Variants in CLDN9 observed in about 807,000 individuals in gnomAD.
The protein encoded by CLDN9 is claudin-9.
A neutral mutation model predicts 10.1 loss-of-function variants in CLDN9; 14 were observed. The ratio of observed to expected loss-of-function variants is 1.38; its 90% CI spans 0.91 to 2.16. The LOEUF is 2.16. Among genes scored for constraint, CLDN9 ranks in the 30% most tolerant of loss-of-function variants. The pLI is 0.00. For synonymous variants in CLDN9, 162 were observed against 143.1 expected (o/e 1.13, Z -0.95); for missense variants, 332 against 294.8 (o/e 1.13, Z -0.93).
In CLDN9 at chr16:3,013,520, C is replaced by T. The variant is rs201252752; in HGVS notation, c.158C>T (p.Ser53Phe). 1.2e-5 allele frequency: 19 copies of T among 1,613,870 alleles called. No individual in the cohort carries two copies. Among genetic ancestry groups the T allele is most frequent in the Non-Finnish European group, 1.6e-5 (19 of 1,180,012 alleles). ...AQVVWEGLWM[S>F]CVVQSTGQMQ... ...GTGGTGTGGGAGGGCCTGTGGATGTCCTGCGTGGTGCAGAGCACGGGCCAG... is the reference window on the plus strand; with the variant it reads ...GTGGTGTGGGAGGGCCTGTGGATGTTCTGCGTGGTGCAGAGCACGGGCCAG... The change falls in exon 1 of 1, where the codon TCC becomes TTC. Residue 53 changes from serine to phenylalanine, a missense_variant. By Grantham distance (155) the Ser-to-Phe change is radical (BLOSUM62 -2). Coordinates refer to ENST00000445369, the MANE Select transcript of CLDN9 (RefSeq NM_020982.4). This position sits in a 1 kb window ranked among gnomAD's most constrained non-coding sequence, Gnocchi z 6.4.
rs945312028 is a variant in CLDN9, at chr16:3,014,133, CA to C, written c.*121del. The stretch of plus-strand genomic sequence containing the variant: ...TCCTTCCCCAGGAAAACCCACTTTC[CA>C]AAAGCCCAAGCTACACCTGGCTGCA... On this transcript the variant is annotated 3_prime_UTR_variant, in exon 1 of 1. Coordinates refer to ENST00000445369, the MANE Select transcript of CLDN9 (RefSeq NM_020982.4). 1 of 1,190,676 alleles carries C rather than the reference CA, an allele frequency of 8.4e-7. No homozygotes were observed. The highest frequency in any genetic ancestry group is 1.5e-5 in the African/African-American group (1 of 65,496). The allele number at this position is 1,190,676 out of a possible 1,614,324, so 73.8% of individuals were successfully genotyped here. A position where few individuals can be genotyped will look rare whatever the true frequency, so the allele number is the denominator to read the frequency against.
Position 3,013,563 on chromosome 16 carries a change from C to G in CLDN9, c.201C>G (p.Tyr67Ter). 6.2e-6 allele frequency: 10 copies of G among 1,613,988 alleles called. No individual in the cohort carries two copies. Among genetic ancestry groups the G allele is most frequent in the Non-Finnish European group, 8.5e-6 (10 of 1,179,998 alleles). The change falls in exon 1 of 1, where the codon TAC (tyrosine) becomes TAG (stop). Residue 67 changes from tyrosine (Y) to a stop codon, truncating the protein, a stop_gained. Coordinates refer to ENST00000445369, the MANE Select transcript of CLDN9 (RefSeq NM_020982.4). LOFTEE classifies it high-confidence loss of function. This position sits in a 1 kb window ranked among gnomAD's most constrained non-coding sequence, Gnocchi z 6.4. ...CGGGCCAGATGCAGTGCAAGGTGTA[C>G]GACTCACTGCTGGCTCTGCCGCAGG... ...QSTGQMQCKV[Y>*]DSLLALPQDL...
In CLDN9 at chr16:3,013,998, C is replaced by G; in HGVS notation, c.636C>G (p.Asp212Glu). The G allele has an allele frequency of 6.6e-7, 1 of 1,520,726 alleles. No homozygotes were observed. The highest frequency in any genetic ancestry group is 8.8e-7 in the Non-Finnish European group (1 of 1,137,114). 94.2% of individuals were successfully genotyped at this position (1,520,726 alleles called of 1,614,324 possible). Residue 212 changes from aspartate to glutamate, a missense_variant, in exon 1 of 1, where the codon GAC (aspartate) becomes GAG (glutamate). Physicochemically the swap from Asp to Glu is conservative, Grantham distance 45 (BLOSUM62 2). Transcript: ENST00000445369. The surrounding 1 kb of genome is among the most constrained non-coding windows in gnomAD (Gnocchi z 6.4). ...IPSRSGASGL[D>E]KRDYV is the part of the protein sequence containing the mutation. Reference sequence around the variant, plus strand: ...CCCGCTCGGGTGCATCTGGACTGGACAAGAGGGACTACGTGTGAGGCGGAG... The same window carrying G: ...CCCGCTCGGGTGCATCTGGACTGGAGAAGAGGGACTACGTGTGAGGCGGAG...
rs1567404598 is a variant in CLDN9 at position 3,013,839 on chromosome 16, G to A, written c.477G>A (p.Glu159=). The A allele has an allele frequency of 6.2e-7, 1 of 1,612,574 alleles. No homozygotes were observed. The highest frequency in any genetic ancestry group is 2.2e-5 in the East Asian group (1 of 44,854). Residue 159 remains glutamate (E), a synonymous_variant, in exon 1 of 1, where the codon GAG becomes GAA. Coordinates refer to ENST00000445369, the MANE Select transcript of CLDN9 (RefSeq NM_020982.4). The surrounding 1 kb of genome is among the most constrained non-coding windows in gnomAD (Gnocchi z 6.4). The stretch of plus-strand genomic sequence containing the variant: ...TGGTGGCTGAGGCCCTCAAGCGGGA[G>A]CTGGGGGCCTCCCTCTACCTGGGCT... The part of the protein sequence containing the change: ...NPLVAEALKR[E]LGASLYLGWA...
At position 3,013,572 on chromosome 16, in the gene CLDN9, G is replaced by A. The variant is rs765239666; in HGVS notation, c.210G>A (p.Leu70=). The A allele has an allele frequency of 1.2e-5, 20 of 1,613,884 alleles. No homozygotes were observed. The highest frequency in any genetic ancestry group is 2.5e-6 in the Non-Finnish European group (3 of 1,180,000). The change falls in exon 1 of 1, where the codon CTG becomes CTA. Residue 70 remains leucine (L), a synonymous_variant. Coordinates refer to ENST00000445369, the MANE Select transcript of CLDN9 (RefSeq NM_020982.4). The surrounding 1 kb of genome is among the most constrained non-coding windows in gnomAD (Gnocchi z 6.4). ...GQMQCKVYDS[L]LALPQDLQAA... ...TGCAGTGCAAGGTGTACGACTCACT[G>A]CTGGCTCTGCCGCAGGACCTGCAGG...
Position 3,014,039 on chromosome 16 carries a change from C to T in CLDN9, c.*23C>T. The T allele has an allele frequency of 6.0e-6, 9 of 1,509,598 alleles. No homozygotes were observed. Among genetic ancestry groups the T allele is most frequent in the Non-Finnish European group, 8.0e-6 (9 of 1,129,312 alleles). 93.5% of individuals were successfully genotyped at this position (1,509,598 alleles called of 1,614,324 possible). A position where few individuals can be genotyped will look rare whatever the true frequency, so the allele number is the denominator to read the frequency against. On this transcript the variant is annotated 3_prime_UTR_variant, in exon 1 of 1. Coordinates refer to ENST00000445369, the MANE Select transcript of CLDN9 (RefSeq NM_020982.4). ...TGAGGCGGAGGTTTCCCCTGGGAGCCCACTGCTCCCCACTGCCCCGCCCTT... is the reference window on the plus strand; with the variant it reads ...TGAGGCGGAGGTTTCCCCTGGGAGCTCACTGCTCCCCACTGCCCCGCCCTT...
rs544084273 is a variant in CLDN9, at chr16:3,013,588, G to C, written c.226G>C (p.Asp76His). The change falls in exon 1 of 1, where the codon GAC becomes CAC. Residue 76 changes from aspartate to histidine, a missense_variant. Transcript: ENST00000445369. This position sits in a 1 kb window ranked among gnomAD's most constrained non-coding sequence, Gnocchi z 6.4. ...CGACTCACTGCTGGCTCTGCCGCAGGACCTGCAGGCCGCACGTGCCCTCTG... is the reference window on the plus strand; with the variant it reads ...CGACTCACTGCTGGCTCTGCCGCAGCACCTGCAGGCCGCACGTGCCCTCTG... Reference protein sequence around the residue: ...VYDSLLALPQDLQAARALCVI... With the variant: ...VYDSLLALPQHLQAARALCVI... 1.2e-6 allele frequency: 2 copies of C among 1,613,978 alleles called. No homozygotes were observed. Among genetic ancestry groups the C allele is most frequent in the African/African-American group, 2.7e-5 (2 of 75,042 alleles).
Position 3,013,716 on chromosome 16 carries a change from G to C in CLDN9, c.354G>C (p.Val118=). 3.1e-6 allele frequency: 5 copies of C among 1,613,676 alleles called. No homozygotes were observed. The highest frequency in any genetic ancestry group is 4.2e-6 in the Non-Finnish European group (5 of 1,179,978). The change falls in exon 1 of 1, where the codon GTG becomes GTC. Residue 118 remains valine (V), a synonymous_variant. Coordinates refer to ENST00000445369, the MANE Select transcript of CLDN9 (RefSeq NM_020982.4). This position sits in a 1 kb window ranked among gnomAD's most constrained non-coding sequence, Gnocchi z 6.4. ...ACGAAGGTGCCAAGGCCCGTATCGTGCTCACCGCGGGGGTCATCCTCCTCC... is the reference window on the plus strand; with the variant it reads ...ACGAAGGTGCCAAGGCCCGTATCGTCCTCACCGCGGGGGTCATCCTCCTCC... ...VEDEGAKARI[V]LTAGVILLLA...
At position 3,013,896 on chromosome 16, in the gene CLDN9, G is replaced by T; in HGVS notation, c.534G>T (p.Gly178=). 1 of 1,608,402 alleles carries T rather than the reference G, an allele frequency of 6.2e-7. No homozygotes were observed. Among genetic ancestry groups the T allele is most frequent in the Non-Finnish European group, 8.5e-7 (1 of 1,178,006 alleles). ...WAAAALLMLG[G]GLLCCTCPPP... is the part of the protein sequence containing the mutation. ...CGGCTGCACTGCTTATGCTGGGCGG[G>T]GGGCTCCTCTGCTGCACGTGCCCCC... is the stretch of plus-strand genomic sequence containing the variant. The change falls in exon 1 of 1, where the codon GGG becomes GGT. Residue 178 remains glycine (G), a synonymous_variant. Transcript: ENST00000445369. This position sits in a 1 kb window ranked among gnomAD's most constrained non-coding sequence, Gnocchi z 6.4.
At position 3,013,726 on chromosome 16, in the gene CLDN9, G is replaced by A; in HGVS notation, c.364G>A (p.Gly122Arg). 1 of 1,613,634 alleles carries A rather than the reference G, an allele frequency of 6.2e-7. No individual in the cohort carries two copies. ...CAAGGCCCGTATCGTGCTCACCGCG[G>A]GGGTCATCCTCCTCCTCGCCGGCAT... ...GAKARIVLTA[G>R]VILLLAGILV... Residue 122 changes from glycine to arginine, a missense_variant, in exon 1 of 1, where the codon GGG becomes AGG. Physicochemically the swap from Gly to Arg is moderately radical, Grantham distance 125. Coordinates refer to ENST00000445369, the MANE Select transcript of CLDN9 (RefSeq NM_020982.4). This position sits in a 1 kb window ranked among gnomAD's most constrained non-coding sequence, Gnocchi z 6.4.
chr16:3,013,214 T>G lies in CLDN9; in HGVS notation c.-149T>G, dbSNP rs1176813685. On this transcript the variant is annotated 5_prime_UTR_variant, in exon 1 of 1. Transcript: ENST00000445369. This position sits in a 1 kb window ranked among gnomAD's most constrained non-coding sequence, Gnocchi z 6.4. ...GAGGAGGCGCCTTTCAAGAGGCGCCTTTCATGGAACTGAGGACTGGCCTGG... is the reference window on the plus strand; with the variant it reads ...GAGGAGGCGCCTTTCAAGAGGCGCCGTTCATGGAACTGAGGACTGGCCTGG... 2.2e-6 allele frequency: 2 copies of G among 895,798 alleles called. No individual in the cohort carries two copies. The highest frequency in any genetic ancestry group is 1.7e-5 in the African/African-American group (1 of 59,330). The allele number at this position is 895,798 out of a possible 1,614,324, so 55.5% of individuals were successfully genotyped here.
Position 3,013,893 on chromosome 16 carries a change from C to G in CLDN9, c.531C>G (p.Gly177=). The change falls in exon 1 of 1, where the codon GGC becomes GGG. Residue 177 remains glycine, a synonymous_variant. Transcript: ENST00000445369. This position sits in a 1 kb window ranked among gnomAD's most constrained non-coding sequence, Gnocchi z 6.4. ...GWAAAALLML[G]GGLLCCTCPP... is the part of the protein sequence containing the mutation. ...CGGCGGCTGCACTGCTTATGCTGGG[C>G]GGGGGGCTCCTCTGCTGCACGTGCC... 1 of 1,608,406 alleles carries G rather than the reference C, an allele frequency of 6.2e-7. No homozygotes were observed. Among genetic ancestry groups the G allele is most frequent in the South Asian group, 1.1e-5 (1 of 90,856 alleles).
At position 3,013,944 on chromosome 16, in the gene CLDN9, C is replaced by T. The variant is rs377693985; in HGVS notation, c.582C>T (p.Arg194=). Residue 194 remains arginine (R), a synonymous_variant, in exon 1 of 1, where the codon CGC becomes CGT. Coordinates refer to ENST00000445369, the MANE Select transcript of CLDN9 (RefSeq NM_020982.4). This position sits in a 1 kb window ranked among gnomAD's most constrained non-coding sequence, Gnocchi z 6.4. ...CCCCGCCCCAGGTCGAGCGGCCCCG[C>T]GGACCTCGGCTGGGCTACTCCATCC... is the stretch of plus-strand genomic sequence containing the variant. ...TCPPPQVERP[R]GPRLGYSIPS... The T allele has an allele frequency of 6.5e-5, 102 of 1,570,164 alleles. No individual in the cohort carries two copies. In the African/African-American group the frequency reaches 8.9e-4, roughly 14 times the overall value.
In CLDN9 at chr16:3,013,231, C is replaced by T. The variant is rs1432715551; in HGVS notation, c.-132C>T. 1.9e-6 allele frequency: 2 copies of T among 1,043,304 alleles called. No individual in the cohort carries two copies. The highest frequency in any genetic ancestry group is 2.8e-5 in the Admixed American group (1 of 35,262). The allele number at this position is 1,043,304 out of a possible 1,614,324, so 64.6% of individuals were successfully genotyped here. On this transcript the variant is annotated 5_prime_UTR_variant, in exon 1 of 1. Coordinates refer to ENST00000445369, the MANE Select transcript of CLDN9 (RefSeq NM_020982.4). The surrounding 1 kb of genome is among the most constrained non-coding windows in gnomAD (Gnocchi z 6.4). ...GAGGCGCCTTTCATGGAACTGAGGA[C>T]TGGCCTGGCTTGGGGACACCAACAA...
Position 3,013,577 on chromosome 16 carries a change from C to G in CLDN9, c.215C>G (p.Ala72Gly). 1 of 1,613,994 alleles carries G rather than the reference C, an allele frequency of 6.2e-7. No individual in the cohort carries two copies. The highest frequency in any genetic ancestry group is 8.5e-7 in the Non-Finnish European group (1 of 1,180,004). Reference sequence around the variant, plus strand: ...TGCAAGGTGTACGACTCACTGCTGGCTCTGCCGCAGGACCTGCAGGCCGCA... The same window carrying G: ...TGCAAGGTGTACGACTCACTGCTGGGTCTGCCGCAGGACCTGCAGGCCGCA... ...MQCKVYDSLL[A>G]LPQDLQAARA... is the part of the protein sequence containing the mutation. Residue 72 changes from alanine to glycine, a missense_variant, in exon 1 of 1, where the codon GCT becomes GGT. Physicochemically the swap from Ala to Gly is moderately conservative, Grantham distance 60. Coordinates refer to ENST00000445369, the MANE Select transcript of CLDN9 (RefSeq NM_020982.4). The surrounding 1 kb of genome is among the most constrained non-coding windows in gnomAD (Gnocchi z 6.4).
Position 3,013,221 on chromosome 16 carries a change from G to T in CLDN9, c.-142G>T, listed in dbSNP as rs2072539725. On this transcript the variant is annotated 5_prime_UTR_variant, in exon 1 of 1. The change creates a premature stop within an existing upstream ORF in the 5' untranslated region. Transcript: ENST00000445369. The surrounding 1 kb of genome is among the most constrained non-coding windows in gnomAD (Gnocchi z 6.4). ...CGCCTTTCAAGAGGCGCCTTTCATG[G>T]AACTGAGGACTGGCCTGGCTTGGGG... is the stretch of plus-strand genomic sequence containing the variant. 3.2e-6 allele frequency: 3 copies of T among 946,890 alleles called. No individual in the cohort carries two copies. Among genetic ancestry groups the T allele is most frequent in the Non-Finnish European group, 4.6e-6 (3 of 652,650 alleles). 58.7% of individuals were successfully genotyped at this position (946,890 alleles called of 1,614,324 possible).
At position 3,013,258 on chromosome 16, in the gene CLDN9, C is replaced by G; in HGVS notation, c.-105C>G. 3.0e-6 allele frequency: 4 copies of G among 1,345,138 alleles called. No homozygotes were observed. The highest frequency in any genetic ancestry group is 2.5e-5 in the East Asian group (1 of 39,854). 83.3% of individuals were successfully genotyped at this position (1,345,138 alleles called of 1,614,324 possible). ...GGCCTGGCTTGGGGACACCAACAAG[C>G]CTTCCCCCTCCTGCTGGACACAGAG... On this transcript the variant is annotated 5_prime_UTR_variant, in exon 1 of 1. Transcript: ENST00000445369. This position sits in a 1 kb window ranked among gnomAD's most constrained non-coding sequence, Gnocchi z 6.4.
chr16:3,014,213 T>C lies in CLDN9; in HGVS notation c.*197T>C. ...CTTCTCAGTGGGGTCCCCTTTGATG[T>C]TCTCCCCCAAGTTGGGCAGCCTAGA... On this transcript the variant is annotated 3_prime_UTR_variant, in exon 1 of 1. Transcript: ENST00000445369. The C allele has an allele frequency of 1.7e-6, 1 of 576,894 alleles. No individual in the cohort carries two copies. The highest frequency in any genetic ancestry group is 3.0e-6 in the Non-Finnish European group (1 of 337,810). 35.7% of individuals were successfully genotyped at this position (576,894 alleles called of 1,614,324 possible).
Position 3,013,833 on chromosome 16 carries a change from G to A in CLDN9, c.471G>A (p.Lys157=). The A allele has an allele frequency of 6.2e-7, 1 of 1,612,680 alleles. No individual in the cohort carries two copies. Residue 157 remains lysine, a synonymous_variant, in exon 1 of 1, where the codon AAG becomes AAA. Transcript: ENST00000445369. This position sits in a 1 kb window ranked among gnomAD's most constrained non-coding sequence, Gnocchi z 6.4. ...FYNPLVAEAL[K]RELGASLYLG... Reference sequence around the variant, plus strand: ...ACCCCCTGGTGGCTGAGGCCCTCAAGCGGGAGCTGGGGGCCTCCCTCTACC... The same window carrying A: ...ACCCCCTGGTGGCTGAGGCCCTCAAACGGGAGCTGGGGGCCTCCCTCTACC...
Sources: allele counts gnomAD v4.1 joint callset, GRCh38; gene constraint gnomAD v4.1.1; non-coding constraint Gnocchi (gnomAD v3.1); transcripts MANE v1.5; gene names NCBI Gene and HGNC (gene_info 2026-07-23, HGNC 2026-07-21).